Variants in ATG14 observed in about 807,000 individuals in gnomAD.
The protein encoded by ATG14 is beclin 1-associated autophagy-related key regulator.
ATG14 carries 35 observed loss-of-function variants against 60.4 expected under a neutral mutation model. That is an observed-to-expected ratio of 0.58 (90% CI 0.44 to 0.77). The LOEUF (loss-of-function observed/expected upper bound fraction) is 0.77, where lower values mean the gene tolerates loss of function less well. Among genes scored for constraint, ATG14 ranks in the 30% least tolerant of loss-of-function variants. The pLI is 0.00. For synonymous variants in ATG14, 234 were observed against 228.8 expected (o/e 1.02, Z -0.21); for missense variants, 647 against 626.3 (o/e 1.03, Z -0.35).
Position 55,411,817 on chromosome 14 carries a change from C to T in ATG14, c.6G>A (p.Ala2=). 1 of 1,592,688 alleles carries T rather than the reference C, an allele frequency of 6.3e-7. No homozygotes were observed. Among genetic ancestry groups the T allele is most frequent in the Non-Finnish European group, 8.5e-7 (1 of 1,170,380 alleles). M[A]SPSGKGARAL... is the part of the protein sequence containing the mutation. ...CCCGGGCTCCCTTCCCACTGGGAGA[C>T]GCCATGATGGCCTGAGAGGAGAGCC... Residue 2 remains alanine, a synonymous_variant, in exon 1 of 10, where the codon GCG becomes GCA. Transcript: ENST00000247178.
intron 4 of ATG14, among the ~76,000 whole-genome samples, chr14:55,390,101 G>C (rs907378437): frequency 6.6e-5 from 10 of 152,076 alleles, no homozygotes; most frequent in African/African-American, 2.2e-4. Flanking sequence ...ACAGAGTTTT[G>C]CTCTTGTTGC....
intron 9 of ATG14, among the ~76,000 whole-genome samples, chr14:55,375,180 AT>A (rs1884894501): frequency 6.6e-6 from 1 of 152,212 alleles, no homozygotes; most frequent in Non-Finnish European, 1.5e-5. Flanking sequence ...AAGCTTCATA[AT>A]TTTTATAATC....
At chr14:55,375,222 T>C (rs1884894985) in intron 9 of ATG14, among the ~76,000 whole-genome samples, 1 of 152,266 alleles carries the variant, frequency 6.6e-6, no homozygotes, top group South Asian at 2.1e-4. Context: ...AGATCACTGC[T>C]ATGGAATTTA....
chr14:55,396,906 G>A (rs941702931), intron 2 of ATG14, among the ~76,000 whole-genome samples: 2 of 152,132 alleles, frequency 1.3e-5, no homozygotes, highest in Non-Finnish European at 2.9e-5. Flanking sequence ...TACTGAATCA[G>A]AATCTCTGAG....
At chr14:55,410,897 A>G (rs1034134533) in intron 1 of ATG14, among the ~76,000 whole-genome samples, 35 of 149,836 alleles carry the variant, frequency 2.3e-4, no homozygotes, top group African/African-American at 8.3e-4. Context: ...TAATTTTTCA[A>G]TTTTCTTAAC....
At chr14:55,382,303 T>C in intron 5 of ATG14, 112 bp from the exon 6 acceptor site, 2 of 845,618 alleles carry the variant, frequency 2.4e-6, no homozygotes, top group Non-Finnish European at 3.7e-6. Context: ...GCACAGAAAT[T>C]TTACATTAAA....
At chr14:55,388,159 C>T (rs145818046) in intron 4 of ATG14, among the ~76,000 whole-genome samples, 292 of 152,280 alleles carry the variant, frequency 1.9e-3, no homozygotes, top group African/African-American at 6.7e-3. Flanking sequence ...AACAACATCT[C>T]TTTGCCATCC....
chr14:55,392,946 T>G (rs1885244390), intron 3 of ATG14, among the ~76,000 whole-genome samples: 1 of 152,166 alleles, frequency 6.6e-6, no homozygotes, highest in Admixed American at 6.5e-5. Context: ...TAACAGAGTC[T>G]TTAGAAATGA....
At chr14:55,385,526 C>G (rs1290540138) in intron 5 of ATG14, among the ~76,000 whole-genome samples, 1 of 152,210 alleles carries the variant, frequency 6.6e-6, no homozygotes, top group Non-Finnish European at 1.5e-5. Context: ...CTCCTGACCT[C>G]AGGTGATTCG....
At chr14:55,402,964 T>TATAA (rs1555342970) in intron 1 of ATG14, among the ~76,000 whole-genome samples, 84 of 59,732 alleles carry the variant, frequency 1.4e-3, no homozygotes, top group Non-Finnish European at 2.2e-3. Context: ...TATATATATA[T>TATAA]ATATAAATAG....
intron 1 of ATG14, 31 bp downstream of exon 1, chr14:55,411,571 A>G (rs1479314853): frequency 1.3e-6 from 2 of 1,579,350 alleles, no homozygotes; most frequent in Non-Finnish European, 1.7e-6. Flanking sequence ...ACACAGCAGA[A>G]GAAACAATAG....
At chr14:55,389,041 C>G (rs1885170931) in intron 4 of ATG14, among the ~76,000 whole-genome samples, 1 of 152,086 alleles carries the variant, frequency 6.6e-6, no homozygotes, top group Non-Finnish European at 1.5e-5. Flanking sequence ...GGTTCTCTCT[C>G]TAGATTTTAA....
rs757202437 is a variant in ATG14, at chr14:55,369,831, G to A, written c.1267C>T (p.Arg423Cys). The A allele has an allele frequency of 2.4e-5, 39 of 1,614,026 alleles. No individual in the cohort carries two copies. Among genetic ancestry groups the A allele is most frequent in the Middle Eastern group, 1.6e-4 (1 of 6,084 alleles). The part of the protein sequence containing the change: ...AGESDESGDE[R>C]VSDEETDLGT... ...AGGTCGGTTTCTTCATCGCTGACGC[G>A]CTCATCTCCGCTCTCATCTGATTCT... Residue 423 changes from arginine to cysteine, a missense_variant, in exon 10 of 10, where the codon CGC becomes TGC. By Grantham distance (180) the Arg-to-Cys change is radical. Transcript: ENST00000247178.
chr14:55,372,631 C>T (rs542767100), intron 9 of ATG14, among the ~76,000 whole-genome samples: 2 of 151,962 alleles, frequency 1.3e-5, no homozygotes, highest in South Asian at 2.1e-4. Context: ...TCCTTTCTTC[C>T]CCAGTCAGCT....
intron 5 of ATG14, among the ~76,000 whole-genome samples, chr14:55,385,059 A>G (rs1885100460): frequency 6.6e-6 from 1 of 152,220 alleles, no homozygotes; most frequent in Admixed American, 6.5e-5. Context: ...GATAACAGTT[A>G]TCTTAGCAGC....
In ATG14 at chr14:55,376,858, T is replaced by C. The variant is rs552468904; in HGVS notation, c.1172+961A>G. The stretch of plus-strand genomic sequence containing the variant: ...GGCAAACACCCAGCACAGGCGTGCA[T>C]GGATGGAACGAAAGCTAAGGCTCGT... On this transcript the variant is annotated intron_variant, in intron 9 of 9. Transcript: ENST00000247178. Among the ~76,000 whole-genome samples the C allele has an allele frequency of 3.9e-5, 6 of 152,324 alleles. No homozygotes were observed. In the East Asian group the frequency reaches 9.6e-4, roughly 24 times the overall value.
At chr14:55,383,237 C>A (rs1350521553) in intron 5 of ATG14, among the ~76,000 whole-genome samples, 1 of 150,710 alleles carries the variant, frequency 6.6e-6, no homozygotes. Flanking sequence ...TGAAAATATT[C>A]GGGGGAAAAA....
intron 4 of ATG14, 39 bp from the exon 5 acceptor site, chr14:55,386,135 A>G (rs1885122513): frequency 1.9e-6 from 3 of 1,552,484 alleles, no homozygotes; most frequent in Non-Finnish European, 2.6e-6. Context: ...TATCTCTGCA[A>G]ACAGTTCCTG....
rs1337408817 is a variant in ATG14 at position 55,367,376 on chromosome 14, G to A, written c.*2243C>T. On this transcript the variant is annotated 3_prime_UTR_variant, in exon 10 of 10. Coordinates refer to ENST00000247178, the MANE Select transcript of ATG14 (RefSeq NM_014924.5). Reference sequence around the variant, plus strand: ...TTCACTCTCTACGAACTCCAGAACTGGATGGGAAAATGGAAGCCCAGCAAT... The same window carrying A: ...TTCACTCTCTACGAACTCCAGAACTAGATGGGAAAATGGAAGCCCAGCAAT... 1 of 152,230 alleles carries A rather than the reference G, an allele frequency of 6.6e-6. No individual in the cohort carries two copies. Among genetic ancestry groups the A allele is most frequent in the Non-Finnish European group, 1.5e-5 (1 of 68,082 alleles). The allele number at this position is 152,230 out of a possible 1,614,324, so 9.4% of individuals were successfully genotyped here.
Sources: allele counts gnomAD v4.1 joint callset (sites outside exome capture counted in the v4.1 genomes callset), GRCh38; gene constraint gnomAD v4.1.1; transcripts MANE v1.5; gene names NCBI Gene and HGNC (gene_info 2026-07-23, HGNC 2026-07-21).